The following QTMAN variants were observed in gnomAD, a reference collection of about 807,000 sequenced individuals.
QTMAN encodes the protein tRNA-queuosine alpha-mannosyltransferase.
At chr2:144,201,335 A>G in the QTMAN span, among the ~76,000 whole-genome samples, 1 of 152,144 alleles carries the variant, frequency 6.6e-6, no homozygotes, top group Non-Finnish European at 1.5e-5. Flanking sequence ...TGAGGCAGGA[A>G]AAAGCTTGAT....
chr2:144,072,899 C>G, the QTMAN span, among the ~76,000 whole-genome samples: 2 of 152,126 alleles, frequency 1.3e-5, no homozygotes, highest in African/African-American at 4.8e-5. Context: ...ATCTTGACTC[C>G]TAAGGAGCTT....
At chr2:144,020,041 C>T in the QTMAN span, among the ~76,000 whole-genome samples, 1 of 152,204 alleles carries the variant, frequency 6.6e-6, no homozygotes, top group Non-Finnish European at 1.5e-5. Flanking sequence ...AGCCAGGAAC[C>T]AGCAGACATT....
At chr2:144,244,758 C>CA in the QTMAN span, among the ~76,000 whole-genome samples, 1,363 of 149,806 alleles carry the variant, frequency 9.1e-3, 18 homozygotes, top group African/African-American at 0.031. Context: ...TTATAAGGAT[C>CA]AAAAAAAAAT....
At chr2:143,938,528 T>C in the QTMAN span, 1 of 152,244 alleles carries the variant, frequency 6.6e-6, no homozygotes, top group African/African-American at 2.4e-5. Flanking sequence ...GTGGTCTCTT[T>C]GTTAGCAATC....
the QTMAN span, among the ~76,000 whole-genome samples, chr2:144,062,015 G>A: frequency 5.3e-5 from 8 of 152,020 alleles, 1 homozygote; most frequent in South Asian, 4.1e-4. Context: ...TAAAATCCCC[G>A]CGTTCACCAT....
At chr2:144,286,397 A>G in the QTMAN span, among the ~76,000 whole-genome samples, 8 of 152,220 alleles carry the variant, frequency 5.3e-5, no homozygotes, top group African/African-American at 9.6e-5. Flanking sequence ...CAGTAAACTT[A>G]TATGATAATT....
At chr2:144,199,218 T>C in the QTMAN span, among the ~76,000 whole-genome samples, 2 of 152,124 alleles carry the variant, frequency 1.3e-5, no homozygotes, top group Non-Finnish European at 1.5e-5. Context: ...CGGCTAATTT[T>C]TGGTATTTTT....
At chr2:144,129,286 G>A in the QTMAN span, among the ~76,000 whole-genome samples, 3 of 151,814 alleles carry the variant, frequency 2.0e-5, no homozygotes, top group Non-Finnish European at 4.4e-5. Context: ...AATAAATTTA[G>A]AGGTACAGGC....
chr2:144,182,882 TA>T, the QTMAN span, among the ~76,000 whole-genome samples: 5 of 82,060 alleles, frequency 6.1e-5, 1 homozygote, highest in African/African-American at 2.4e-4. Context: ...ATTATATATA[TA>T]TTTTATATAT....
chr2:144,122,914 T>C, the QTMAN span, among the ~76,000 whole-genome samples: 1 of 152,148 alleles, frequency 6.6e-6, no homozygotes, highest in African/African-American at 2.4e-5. Context: ...GCAATAGAAC[T>C]GCCTCAAAGT....
At chr2:144,292,739 T>C in the QTMAN span, among the ~76,000 whole-genome samples, 9 of 152,156 alleles carry the variant, frequency 5.9e-5, no homozygotes, top group Admixed American at 3.9e-4. Flanking sequence ...AAGGAAGCTA[T>C]AACTTACTTA....
At chr2:144,297,067 G>A in the QTMAN span, among the ~76,000 whole-genome samples, 2 of 152,012 alleles carry the variant, frequency 1.3e-5, no homozygotes, top group Admixed American at 1.3e-4. Flanking sequence ...AATGCATTAC[G>A]TGATTTACTA....
the QTMAN span, among the ~76,000 whole-genome samples, chr2:144,305,497 C>T: frequency 6.2e-4 from 95 of 152,286 alleles, no homozygotes; most frequent in African/African-American, 2.2e-3. Context: ...GTTTTGGGTA[C>T]TGTAGCTTTG....
At chr2:144,090,184 T>C in the QTMAN span, among the ~76,000 whole-genome samples, 1 of 151,980 alleles carries the variant, frequency 6.6e-6, no homozygotes, top group Non-Finnish European at 1.5e-5. Flanking sequence ...GATAAAACTC[T>C]CAGTGCACTA....
chr2:144,236,562 A>G, the QTMAN span, among the ~76,000 whole-genome samples: 14 of 152,112 alleles, frequency 9.2e-5, no homozygotes, highest in Non-Finnish European at 2.9e-5. Context: ...TGTGTATATT[A>G]AAGTCAGGAT....
the QTMAN span, among the ~76,000 whole-genome samples, chr2:144,190,107 T>C: frequency 1.3e-5 from 2 of 152,224 alleles, no homozygotes; most frequent in Admixed American, 1.3e-4. Context: ...GTATTCAATA[T>C]AATATATAGA....
At chr2:144,299,926 T>C in the QTMAN span, among the ~76,000 whole-genome samples, 1 of 152,260 alleles carries the variant, frequency 6.6e-6, no homozygotes, top group Non-Finnish European at 1.5e-5. Flanking sequence ...TGTAATATTA[T>C]TCAGCCTTAA....
chr2:144,306,142 G>A, the QTMAN span, among the ~76,000 whole-genome samples: 1 of 152,150 alleles, frequency 6.6e-6, no homozygotes, highest in Non-Finnish European at 1.5e-5. Context: ...GTTGGCTGTG[G>A]TTTTTACATA....
the QTMAN span, among the ~76,000 whole-genome samples, chr2:144,084,692 G>A: frequency 1.3e-5 from 2 of 152,122 alleles, no homozygotes; most frequent in African/African-American, 4.8e-5. Context: ...CTACATGACA[G>A]TAACATATTG....
Sources: gnomAD v4.1 joint callset for allele counts (sites outside exome capture counted in the v4.1 genomes callset) on GRCh38, gnomAD v4.1.1 for gene constraint, MANE v1.5 for transcripts, NCBI Gene and HGNC (gene_info 2026-07-23, HGNC 2026-07-21) for gene names.